Variants in ZDHHC11 observed in about 807,000 individuals in gnomAD.
ZDHHC11 encodes the protein zDHHC palmitoyltransferase 11.
In ZDHHC11, 44 loss-of-function variants were observed where a neutral mutation model predicts 51.3. That is an observed-to-expected ratio of 0.86 (90% CI 0.67 to 1.10). The LOEUF is 1.10. Ranked by LOEUF, ZDHHC11 falls within the 50% of genes least tolerant of loss-of-function variation. ZDHHC11 has a pLI of 0.00. For synonymous variants in ZDHHC11, 163 were observed against 222.0 expected (o/e 0.73, Z 2.36); for missense variants, 400 against 537.7 (o/e 0.74, Z 2.53).
At chr5:807,144 C>T (rs1483641722) in intron 11 of ZDHHC11, among the ~76,000 whole-genome samples, 2 of 150,816 alleles carry the variant, frequency 1.3e-5, no homozygotes, top group African/African-American at 2.4e-5. Flanking sequence ...CAAACGCCAA[C>T]AGACTACAGC....
At chr5:828,738 A>C (rs1304756314) in intron 7 of ZDHHC11, among the ~76,000 whole-genome samples, 1 of 150,298 alleles carries the variant, frequency 6.7e-6, no homozygotes, top group Non-Finnish European at 1.5e-5. Context: ...TCCAAGATAC[A>C]TCATATAATA....
chr5:846,742 CGTTCTTG>C (rs1746252031), intron 3 of ZDHHC11, among the ~76,000 whole-genome samples: 1 of 144,942 alleles, frequency 6.9e-6, no homozygotes, highest in African/African-American at 2.6e-5. Flanking sequence ...AAACACCTCT[CGTTCTTG>C]AGCCTCCACC....
At chr5:837,332 C>T (rs4081848) in intron 6 of ZDHHC11, 33 bp downstream of exon 6, 121,428 of 1,596,648 alleles carry the variant, frequency 0.076, 139 homozygotes, top group Admixed American at 0.19. Flanking sequence ...TTGTCCCAGG[C>T]CTGGAGAAAT....
At position 821,895 on chromosome 5, in the gene ZDHHC11, C is replaced by G; in HGVS notation, c.1024G>C (p.Glu342Gln). The G allele has an allele frequency of 6.2e-7, 1 of 1,604,340 alleles. No homozygotes were observed. Among genetic ancestry groups the G allele is most frequent in the Non-Finnish European group, 8.5e-7 (1 of 1,173,672 alleles). The change falls in exon 9 of 13, where the codon GAA becomes CAA. Residue 342 changes from glutamate to glutamine, a missense_variant and splice_region_variant. Glu to Gln is a conservative substitution (Grantham distance 29, BLOSUM62 2). Around this residue, in one of 5 missense-constraint regions of ZDHHC11, gnomAD observed 231 missense variants for 227.4 expected, o/e 1.02. Coordinates refer to ENST00000283441, the MANE Select transcript of ZDHHC11 (RefSeq NM_024786.3). ...VNQDGDSTAREGDEDPCPSAL... is the reference protein window; with the variant it reads ...VNQDGDSTARQGDEDPCPSAL... ...GATGGACACGGGTCTTCATCCCCTT[C>G]CTGTGGGGAAGTGAAGCAAAATTCA...
intron 10 of ZDHHC11, chr5:816,785 C>T: frequency 4.2e-6 from 2 of 480,796 alleles, no homozygotes; most frequent in South Asian, 3.7e-5. Context: ...GATTCTGATG[C>T]TATTTGGGAG....
chr5:851,988 C>T (rs771804763), upstream of ZDHHC11, among the ~76,000 whole-genome samples: 3 of 150,236 alleles, frequency 2.0e-5, no homozygotes, highest in Admixed American at 1.3e-4. Context: ...CCTGGGAGGT[C>T]GAGGCTGCAG....
intron 7 of ZDHHC11, among the ~76,000 whole-genome samples, chr5:831,215 T>C (rs1743034821): frequency 1.3e-5 from 2 of 149,084 alleles, no homozygotes; most frequent in Admixed American, 6.8e-5. Context: ...AGGAAGAAAA[T>C]ATTAACAATC....
At chr5:827,217 T>A (rs1742413323) in intron 7 of ZDHHC11, among the ~76,000 whole-genome samples, 1 of 149,122 alleles carries the variant, frequency 6.7e-6, no homozygotes, top group African/African-American at 2.5e-5. Context: ...CTACAAGAAA[T>A]ACTAAAAGGA....
At chr5:851,373 G>A (rs1269723073), upstream of ZDHHC11, among the ~76,000 whole-genome samples, 1 of 151,804 alleles carries the variant, frequency 6.6e-6, no homozygotes, top group Admixed American at 6.6e-5. Context: ...TGGTGTCACA[G>A]AGCGGCAGTG....
intron 7 of ZDHHC11, among the ~76,000 whole-genome samples, chr5:828,418 A>C (rs1288158900): frequency 6.8e-6 from 1 of 146,466 alleles, no homozygotes; most frequent in East Asian, 2.0e-4. Flanking sequence ...GGTGCCCCCC[A>C]CCTCCCTCCT....
chr5:800,315 G>C (rs1280623919), intron 12 of ZDHHC11, among the ~76,000 whole-genome samples: 3 of 150,650 alleles, frequency 2.0e-5, no homozygotes, highest in African/African-American at 7.3e-5. Context: ...GCTTTTGGGA[G>C]GTGCCTCTCT....
At chr5:835,959 T>G (rs1340342277) in intron 6 of ZDHHC11, among the ~76,000 whole-genome samples, 17 of 152,060 alleles carry the variant, frequency 1.1e-4, no homozygotes, top group Admixed American at 1.1e-3. Context: ...TTAATTATCT[T>G]AACTAGGTCT....
At chr5:797,505 A>G (rs564972106) in intron 12 of ZDHHC11, among the ~76,000 whole-genome samples, 1 of 151,390 alleles carries the variant, frequency 6.6e-6, no homozygotes, top group East Asian at 1.9e-4. Flanking sequence ...TATCTATTTC[A>G]GTAATTTCTT....
rs1193818060 is a variant in ZDHHC11, at chr5:801,255, G to C, written c.1182-91C>G. 3 of 1,507,138 alleles carry C rather than the reference G, an allele frequency of 2.0e-6. No individual in the cohort carries two copies. The African/African-American group carries it at 4.1e-5, about 20-fold the overall frequency. The allele number at this position is 1,507,138 out of a possible 1,614,324, so 93.4% of individuals were successfully genotyped here. A position where few individuals can be genotyped will look rare whatever the true frequency, so the allele number is the denominator to read the frequency against. On this transcript the variant is annotated intron_variant, in intron 11 of 12. Transcript: ENST00000283441. ...AAGTGCACAAAATGTGTAAACAAGA[G>C]TACATTTTAGAGATTAGCTTGTGAC...
intron 11 of ZDHHC11, among the ~76,000 whole-genome samples, chr5:804,234 A>T (rs889820568): frequency 6.6e-6 from 1 of 151,162 alleles, no homozygotes; most frequent in African/African-American, 2.4e-5. Flanking sequence ...ATGAAATATC[A>T]TTCTGCCCTG....
intron 7 of ZDHHC11, among the ~76,000 whole-genome samples, chr5:829,653 C>A (rs1247306890): frequency 6.6e-6 from 1 of 151,444 alleles, no homozygotes; most frequent in African/African-American, 2.4e-5. Flanking sequence ...GCCAGTATCA[C>A]CTTAATACCC....
intron 1 of ZDHHC11, among the ~76,000 whole-genome samples, chr5:849,040 G>A (rs374155772): frequency 1.7e-4 from 25 of 151,170 alleles, no homozygotes; most frequent in Non-Finnish European, 2.7e-4. Context: ...CTATACACCC[G>A]GCCCTTCACA....
intron 11 of ZDHHC11, among the ~76,000 whole-genome samples, chr5:813,541 C>T (rs1740364330): frequency 6.9e-6 from 1 of 144,968 alleles, no homozygotes; most frequent in Non-Finnish European, 1.5e-5. Context: ...CACGAGCAGC[C>T]TCCCTCACAC....
chr5:843,182 C>T (rs1214493285), intron 4 of ZDHHC11, among the ~76,000 whole-genome samples: 1 of 152,288 alleles, frequency 6.6e-6, no homozygotes. Context: ...CAGCCTACAG[C>T]CCAGCACCCT....
Sources: allele counts gnomAD v4.1 joint callset (sites outside exome capture counted in the v4.1 genomes callset), GRCh38; gene constraint gnomAD v4.1.1; regional missense constraint gnomAD v4.1.1; transcripts MANE v1.5; gene names NCBI Gene and HGNC (gene_info 2026-07-23, HGNC 2026-07-21).